Variants in PGBD1 observed in about 807,000 individuals in gnomAD.
PGBD1 encodes the protein piggyBac transposable element derived 1, also known as piggyBac transposable element-derived protein 1.
In PGBD1, 25 loss-of-function variants were observed where a neutral mutation model predicts 34.7. The ratio of observed to expected loss-of-function variants is 0.72; its 90% CI spans 0.52 to 1.00. PGBD1 has a LOEUF of 1.00. Ranked by LOEUF, PGBD1 falls within the 50% of genes least tolerant of loss-of-function variation. The pLI is 0.00. For missense variants in PGBD1, 830 were observed against 959.4 expected, an observed-to-expected ratio of 0.87 and a Z score of 1.78; for synonymous variants, 292 against 335.7, an observed-to-expected ratio of 0.87 and a Z score of 1.42.
At chr6:28,295,259 A>G (rs1762592996) in intron 4 of PGBD1, among the ~76,000 whole-genome samples, 1 of 152,224 alleles carries the variant, frequency 6.6e-6, no homozygotes, top group Non-Finnish European at 1.5e-5. Context: ...GTGAGAAAAG[A>G]AAGTGGTTTG....
At position 28,296,882 on chromosome 6, in the gene PGBD1, C is replaced by G; in HGVS notation, c.709C>G (p.Leu237Val). 1.2e-6 allele frequency: 2 copies of G among 1,614,118 alleles called. No individual in the cohort carries two copies. The highest frequency in any genetic ancestry group is 1.7e-6 in the Non-Finnish European group (2 of 1,179,994). The change falls in exon 5 of 7, where the codon CTG (leucine) becomes GTG (valine). Residue 237 changes from leucine to valine, a missense_variant. Around this residue, in one of 3 missense-constraint regions of PGBD1, gnomAD observed 457 missense variants for 515.4 expected, o/e 0.89. Transcript: ENST00000682144. ...TGCAGAGAAGTGGTCACATCTGAGT[C>G]TGACTCGGAGGAACCTCTGTGGGAA... is the stretch of plus-strand genomic sequence containing the variant. ...VAAEKWSHLS[L>V]TRRNLCGNSA... is the part of the protein sequence containing the mutation.
At chr6:28,289,252 A>G (rs1271610896) in intron 4 of PGBD1, among the ~76,000 whole-genome samples, 1 of 152,206 alleles carries the variant, frequency 6.6e-6, no homozygotes, top group East Asian at 1.9e-4. Flanking sequence ...AGACTTCTCA[A>G]TGGCAATCAT....
Position 28,302,061 on chromosome 6 carries a change from A to G in PGBD1, c.2207A>G (p.Lys736Arg). The G allele has an allele frequency of 6.2e-7, 1 of 1,614,152 alleles. No homozygotes were observed. Residue 736 changes from lysine (K) to arginine (R), a missense_variant, in exon 7 of 7, where the codon AAG becomes AGG. Physicochemically the swap from Lys to Arg is conservative, Grantham distance 26. Transcript: ENST00000682144. ...PSIVKVYDECKEGVAKMDQII... is the reference protein window; with the variant it reads ...PSIVKVYDECREGVAKMDQII... ...ATAGTAAAAGTGTATGATGAATGCA[A>G]GGAAGGTGTAGCTAAAATGGATCAA...
At position 28,285,700 on chromosome 6, in the gene PGBD1, A is replaced by G; in HGVS notation, c.546A>G (p.Glu182=). ...PPQRPQGNPQ[E]VSGPVPHGSA... is the part of the protein sequence containing the mutation. ...AGCGTCCTCAAGGGAACCCCCAAGA[A>G]GTGAGTGGTGAGTGCTCGAGTGAGT... Residue 182 remains glutamate (E), a synonymous_variant, in exon 3 of 7, where the codon GAA becomes GAG. Coordinates refer to ENST00000682144, the MANE Select transcript of PGBD1 (RefSeq NM_032507.4). 1.2e-6 allele frequency: 2 copies of G among 1,613,356 alleles called. No individual in the cohort carries two copies. The highest frequency in any genetic ancestry group is 2.2e-5 in the South Asian group (2 of 91,052).
At chr6:28,294,650 C>T (rs1316151988) in intron 4 of PGBD1, among the ~76,000 whole-genome samples, 1 of 152,138 alleles carries the variant, frequency 6.6e-6, no homozygotes, top group Non-Finnish European at 1.5e-5. Flanking sequence ...AGAAATGGAA[C>T]AACAAAGCCT....
chr6:28,299,702 G>A (rs1762763518), intron 6 of PGBD1, among the ~76,000 whole-genome samples: 1 of 152,090 alleles, frequency 6.6e-6, no homozygotes, highest in Admixed American at 6.6e-5. Context: ...TAAAAACTTT[G>A]TGTAAAATAA....
At chr6:28,288,772 G>A (rs1002828133) in intron 4 of PGBD1, among the ~76,000 whole-genome samples, 13 of 151,914 alleles carry the variant, frequency 8.6e-5, no homozygotes, top group African/African-American at 2.7e-4. Context: ...GGTGGATCAC[G>A]AGGTCAGGAG....
At chr6:28,282,222 A>G (rs568228582) in intron 1 of PGBD1, among the ~76,000 whole-genome samples, 22 of 152,372 alleles carry the variant, frequency 1.4e-4, no homozygotes, top group Admixed American at 2.6e-4. Context: ...TGGCAGTGAC[A>G]TAAGAAATTT....
intron 4 of PGBD1, among the ~76,000 whole-genome samples, chr6:28,296,018 T>C (rs1021303440): frequency 3.3e-5 from 5 of 152,206 alleles, no homozygotes; most frequent in African/African-American, 1.2e-4. Context: ...AAAGAGAAAG[T>C]AGATTGGAAA....
At chr6:28,283,407 A>G (rs903045979) in intron 1 of PGBD1, among the ~76,000 whole-genome samples, 2 of 152,244 alleles carry the variant, frequency 1.3e-5, no homozygotes, top group Non-Finnish European at 2.9e-5. Flanking sequence ...GGAATATTCA[A>G]TGAGAGTTAC....
Position 28,302,344 on chromosome 6 carries a change from A to G in PGBD1, c.*60A>G. ...AGACATAGAAAAATAATAATTATACATGCTGTTGTACCCTCCCAAAGTAAA... is the reference window on the plus strand; with the variant it reads ...AGACATAGAAAAATAATAATTATACGTGCTGTTGTACCCTCCCAAAGTAAA... On this transcript the variant is annotated 3_prime_UTR_variant, in exon 7 of 7. Coordinates refer to ENST00000682144, the MANE Select transcript of PGBD1 (RefSeq NM_032507.4). 3.3e-6 allele frequency: 5 copies of G among 1,493,478 alleles called. No homozygotes were observed. Among genetic ancestry groups the G allele is most frequent in the Non-Finnish European group, 9.0e-7 (1 of 1,106,406 alleles). 92.5% of individuals were successfully genotyped at this position (1,493,478 alleles called of 1,614,324 possible).
Position 28,300,012 on chromosome 6 carries a change from AAAAC to A in PGBD1, c.870-708_870-705del. On this transcript the variant is annotated intron_variant, in intron 6 of 6. Transcript: ENST00000682144. This position sits in a 1 kb window ranked among gnomAD's most constrained non-coding sequence, Gnocchi z 4.0. ...CTAGACTCTGTCTCAAAAAAAAAAA[AAAAC>A]AAAACAAAACTTTTCATCTTTGTAA... 6.6e-6 allele frequency among the ~76,000 whole-genome samples: 1 copy of A among 151,928 alleles called. No homozygotes were observed. The highest frequency in any genetic ancestry group is 1.5e-5 in the Non-Finnish European group (1 of 67,954).
chr6:28,283,777 C>T lies in PGBD1; in HGVS notation c.-37C>T, dbSNP rs754541894. 11 of 1,526,906 alleles carry T rather than the reference C, an allele frequency of 7.2e-6. No homozygotes were observed. The highest frequency in any genetic ancestry group is 9.7e-6 in the Non-Finnish European group (11 of 1,137,454). 94.6% of individuals were successfully genotyped at this position (1,526,906 alleles called of 1,614,324 possible). On this transcript the variant is annotated splice_region_variant and 5_prime_UTR_variant, in exon 2 of 7. Coordinates refer to ENST00000682144, the MANE Select transcript of PGBD1 (RefSeq NM_032507.4). ...TCAGATCTCTATTTCTGAATATAGA[C>T]CCCAAGCTAAGTGAAGCTTTAGCCT...
intron 6 of PGBD1, among the ~76,000 whole-genome samples, chr6:28,298,320 A>T (rs1315093054): frequency 6.6e-6 from 1 of 152,082 alleles, no homozygotes; most frequent in Non-Finnish European, 1.5e-5. Flanking sequence ...ATTTAACAAG[A>T]ATGAGGGCTA....
At chr6:28,288,694 TA>T (rs1054089346) in intron 4 of PGBD1, among the ~76,000 whole-genome samples, 1 of 150,998 alleles carries the variant, frequency 6.6e-6, no homozygotes, top group African/African-American at 2.4e-5. Context: ...TGTATCTATT[TA>T]AAAAAAAAGA....
At position 28,301,920 on chromosome 6, in the gene PGBD1, G is replaced by T; in HGVS notation, c.2066G>T (p.Trp689Leu). The T allele has an allele frequency of 6.2e-7, 1 of 1,614,124 alleles. No homozygotes were observed. The highest frequency in any genetic ancestry group is 1.3e-5 in the African/African-American group (1 of 75,048). ...EENNEIILCRWYGDGIISLCS... is the reference protein window; with the variant it reads ...EENNEIILCRLYGDGIISLCS... ...AACAATGAGATAATTTTGTGTCGTT[G>T]GTATGGGGATGGCATTATCAGTCTG... is the stretch of plus-strand genomic sequence containing the variant. The change falls in exon 7 of 7, where the codon TGG becomes TTG. Residue 689 changes from tryptophan (W) to leucine (L), a missense_variant. Coordinates refer to ENST00000682144, the MANE Select transcript of PGBD1 (RefSeq NM_032507.4).
chr6:28,291,416 A>G (rs1762448064), intron 4 of PGBD1, among the ~76,000 whole-genome samples: 1 of 152,044 alleles, frequency 6.6e-6, no homozygotes, highest in Admixed American at 6.5e-5. Flanking sequence ...ACCTCAGCAA[A>G]CCAATAACAA....
At chr6:28,286,945 C>T in intron 3 of PGBD1, 135 bp from the exon 4 acceptor site, 1 of 692,098 alleles carries the variant, frequency 1.4e-6, no homozygotes, top group Non-Finnish European at 2.6e-6. Context: ...TGCTCTTTCT[C>T]ACACTGTAAA....
chr6:28,300,983 CA>C lies in PGBD1; in HGVS notation c.1133del (p.Lys378ArgfsTer3). 6.2e-7 allele frequency: 1 copy of C among 1,614,094 alleles called. No homozygotes were observed. Among genetic ancestry groups the C allele is most frequent in the Non-Finnish European group, 8.5e-7 (1 of 1,180,038 alleles). ...KDNEPEIQPAQKKLKVSCFPE... is the reference protein window; with the variant it reads ...KDNEPEIQPAXKKLKVSCFPE... The stretch of plus-strand genomic sequence containing the variant: ...TAATGAGCCTGAGATCCAGCCTGCT[CA>C]AAAGAAGTTAAAGGTATCATGTTTC... On this transcript the variant is annotated frameshift_variant, in exon 7 of 7. Coordinates refer to ENST00000682144, the MANE Select transcript of PGBD1 (RefSeq NM_032507.4). LOFTEE classifies it low-confidence loss of function (END_TRUNC). This position sits in a 1 kb window ranked among gnomAD's most constrained non-coding sequence, Gnocchi z 4.0.
Sources: gnomAD v4.1 joint callset for allele counts (sites outside exome capture counted in the v4.1 genomes callset) on GRCh38, gnomAD v4.1.1 for gene constraint, gnomAD v4.1.1 regional missense constraint, Gnocchi (gnomAD v3.1) non-coding constraint, MANE v1.5 for transcripts, NCBI Gene and HGNC (gene_info 2026-07-23, HGNC 2026-07-21) for gene names.